The following EYS variants were observed in gnomAD, a reference collection of about 807,000 sequenced individuals.
EYS encodes EGF-like photoreceptor maintenance factor, also known as protein eyes shut homolog.
Under a neutral mutation model 282.1 loss-of-function variants are expected in EYS, and 250 were observed. The observed-to-expected ratio is 0.89, with a 90% CI of 0.80 to 0.98. The LOEUF (loss-of-function observed/expected upper bound fraction) is 0.98. EYS is among the 50% of genes least tolerant of loss of function. The pLI, the probability that EYS is intolerant of heterozygous loss-of-function variation, is 0.00. For synonymous variants in EYS, 1,355 were observed against 1,282.9 expected (o/e 1.06, Z -1.20); for missense variants, 4,016 against 3,709.0 (o/e 1.08, Z -2.15).
intron 26 of EYS, among the ~76,000 whole-genome samples, chr6:64,515,450 A>G (rs189453495): frequency 6.6e-6 from 1 of 151,454 alleles, no homozygotes; most frequent in East Asian, 2.0e-4. Context: ...TGTTATGGAC[A>G]CCTGTCATTA....
At chr6:64,696,995 G>A (rs981392696) in intron 22 of EYS, among the ~76,000 whole-genome samples, 20 of 152,218 alleles carry the variant, frequency 1.3e-4, no homozygotes, top group Admixed American at 5.2e-4. Context: ...AGAGGAAAAA[G>A]AGAAACAGAC....
chr6:63,788,363 G>T, intron 38 of EYS, 114 bp from the exon 39 acceptor site: 2 of 774,980 alleles, frequency 2.6e-6, no homozygotes, highest in Non-Finnish European at 2.0e-6. Context: ...ACAAAGACCT[G>T]AATTTTGAAG....
At chr6:65,687,380 T>C (rs980784060) in intron 1 of EYS, among the ~76,000 whole-genome samples, 1 of 152,046 alleles carries the variant, frequency 6.6e-6, no homozygotes, top group Non-Finnish European at 1.5e-5. Context: ...TGAATGACAA[T>C]AGAAAAAATC....
At position 64,018,963 on chromosome 6, in the gene EYS, C is replaced by T. The variant is rs373623219; in HGVS notation, c.6726-19780G>A. Among the ~76,000 whole-genome samples, 9 of 151,692 alleles carry T rather than the reference C, an allele frequency of 5.9e-5. No homozygotes were observed. In the South Asian group the frequency reaches 6.2e-4, roughly 11 times the overall value. On this transcript the variant is annotated intron_variant, in intron 33 of 42. Coordinates refer to ENST00000503581, the MANE Select transcript of EYS (RefSeq NM_001142800.2). ...TTAATTTTTATATTTTTAGTAGAGACGGGGTTTCGCCATGTTGGCCAGACT... is the reference window on the plus strand; with the variant it reads ...TTAATTTTTATATTTTTAGTAGAGATGGGGTTTCGCCATGTTGGCCAGACT...
chr6:63,857,487 G>A (rs935181128), intron 36 of EYS: 3 of 216,718 alleles, frequency 1.4e-5, no homozygotes, highest in Non-Finnish European at 2.9e-5. Context: ...TGAAGTGCCC[G>A]GCTTACTCTT....
At chr6:63,937,345 C>T (rs3902538) in intron 35 of EYS, among the ~76,000 whole-genome samples, 19,861 of 55,126 alleles carry the variant, frequency 0.36, 2,508 homozygotes, top group Admixed American at 0.45. Context: ...TCTCTCTTTT[C>T]TTTTTTTTTT....
intron 12 of EYS, among the ~76,000 whole-genome samples, chr6:65,242,170 T>C (rs1356510993): frequency 6.6e-6 from 1 of 152,082 alleles, no homozygotes; most frequent in Admixed American, 6.5e-5. Flanking sequence ...CACTTTACCA[T>C]TTAAAGTTTG....
At chr6:65,065,692 C>T (rs555269675) in intron 12 of EYS, among the ~76,000 whole-genome samples, 2 of 152,050 alleles carry the variant, frequency 1.3e-5, no homozygotes, top group Non-Finnish European at 2.9e-5. Context: ...CAGAAAGCAA[C>T]ATCTTTTAAA....
intron 31 of EYS, among the ~76,000 whole-genome samples, chr6:64,203,206 C>G (rs1765515238): frequency 6.6e-6 from 1 of 152,122 alleles, no homozygotes; most frequent in Non-Finnish European, 1.5e-5. Flanking sequence ...GGTAGCAATC[C>G]ATGACTGGAA....
chr6:65,115,973 CTATCT>C (rs1197464905), intron 12 of EYS, among the ~76,000 whole-genome samples: 32 of 97,360 alleles, frequency 3.3e-4, no homozygotes, highest in African/African-American at 1.0e-3. Context: ...TCTAATCTAT[CTATCT>C]ATCTATCTAT....
chr6:63,899,865 A>G (rs1206349267), intron 35 of EYS, among the ~76,000 whole-genome samples: 2 of 152,230 alleles, frequency 1.3e-5, no homozygotes, highest in Non-Finnish European at 2.9e-5. Flanking sequence ...TGTTGAATAA[A>G]TAGATTCCTT....
chr6:65,003,252 C>A (rs1424110836), intron 13 of EYS, among the ~76,000 whole-genome samples: 3 of 146,974 alleles, frequency 2.0e-5, no homozygotes, highest in African/African-American at 7.3e-5. Flanking sequence ...CTGAACTGGC[C>A]CCCCTGGGCG....
chr6:65,350,077 T>G (rs1281654421), intron 9 of EYS, among the ~76,000 whole-genome samples: 1 of 151,462 alleles, frequency 6.6e-6, no homozygotes, highest in African/African-American at 2.4e-5. Context: ...TAAAAATGCT[T>G]TAAAAACTTA....
chr6:65,006,202 GGA>G (rs963252975), intron 13 of EYS, among the ~76,000 whole-genome samples: 4 of 151,446 alleles, frequency 2.6e-5, no homozygotes, highest in Non-Finnish European at 5.9e-5. Context: ...AGAGAGAGAC[GGA>G]GAGAGAGACA....
intron 26 of EYS, among the ~76,000 whole-genome samples, chr6:64,558,577 C>T (rs1765305747): frequency 6.6e-6 from 1 of 152,022 alleles, no homozygotes; most frequent in African/African-American, 2.4e-5. Context: ...AATTAGATTT[C>T]AAGATAAAAA....
intron 31 of EYS, among the ~76,000 whole-genome samples, chr6:64,110,156 T>C (rs987443493): frequency 1.3e-5 from 2 of 151,814 alleles, no homozygotes; most frequent in Non-Finnish European, 2.9e-5. Flanking sequence ...TTTGTTCACA[T>C]AGAATCTAAA....
intron 29 of EYS, among the ~76,000 whole-genome samples, chr6:64,326,357 A>T (rs1214157903): frequency 1.3e-5 from 2 of 152,156 alleles, no homozygotes; most frequent in Non-Finnish European, 2.9e-5. Context: ...CAGGGTCACA[A>T]GACCAATAAG....
chr6:64,714,110 G>T (rs900784212), intron 22 of EYS, among the ~76,000 whole-genome samples: 1 of 152,182 alleles, frequency 6.6e-6, no homozygotes, highest in Non-Finnish European at 1.5e-5. Context: ...AGGCAATGTG[G>T]TCTGCATTAC....
chr6:65,549,187 C>T (rs1405130247), intron 2 of EYS, among the ~76,000 whole-genome samples: 1 of 152,140 alleles, frequency 6.6e-6, no homozygotes, highest in East Asian at 1.9e-4. Flanking sequence ...GCTGAGGACG[C>T]TTGCTGTAGC....
Sources: allele counts gnomAD v4.1 joint callset (sites outside exome capture counted in the v4.1 genomes callset), GRCh38; gene constraint gnomAD v4.1.1; transcripts MANE v1.5; gene names NCBI Gene and HGNC (gene_info 2026-07-23, HGNC 2026-07-21).